FAIM2: variants seen among roughly 807,000 people sequenced by gnomAD.
FAIM2 encodes Fas apoptotic inhibitory molecule 2, also known as protein lifeguard 2.
A neutral mutation model predicts 47.4 loss-of-function variants in FAIM2; 27 were observed. The observed-to-expected ratio is 0.57, with a 90% CI of 0.42 to 0.78. The LOEUF (loss-of-function observed/expected upper bound fraction) is 0.78. FAIM2 is among the 30% of genes least tolerant of loss of function. FAIM2 has a pLI of 0.00. For missense variants in FAIM2, 311 were observed against 389.4 expected (o/e 0.80, Z 1.69); for synonymous variants, 156 against 159.3 (o/e 0.98, Z 0.16).
At position 49,903,828 on chromosome 12, in the gene FAIM2, G is replaced by A. The variant is rs898403755; in HGVS notation, c.-36C>T. The A allele has an allele frequency of 6.6e-7, 1 of 1,526,062 alleles. No individual in the cohort carries two copies. Among genetic ancestry groups the A allele is most frequent in the Non-Finnish European group, 8.8e-7 (1 of 1,135,074 alleles). The allele number at this position is 1,526,062 out of a possible 1,614,324, so 94.5% of individuals were successfully genotyped here. A position where few individuals can be genotyped will look rare whatever the true frequency, so the allele number is the denominator to read the frequency against. ...CTCGGGGAAGGGGTCCCTGAGGCCC[G>A]GGTGGCCGCTTGGGTAACCGCAGCC... On this transcript the variant is annotated 5_prime_UTR_variant, in exon 1 of 12. Transcript: ENST00000320634.
intron 11 of FAIM2, among the ~76,000 whole-genome samples, chr12:49,883,802 G>C (rs1946842265): frequency 6.6e-6 from 1 of 152,050 alleles, no homozygotes; most frequent in African/African-American, 2.4e-5. Context: ...TGGGGCAGGT[G>C]GGAGAGGGAA....
intron 11 of FAIM2, among the ~76,000 whole-genome samples, chr12:49,878,219 T>A (rs1454640169): frequency 7.4e-6 from 1 of 135,702 alleles, no homozygotes; most frequent in Non-Finnish European, 1.6e-5. Flanking sequence ...TGCTTGTGTG[T>A]ATATGTGCAT....
At chr12:49,897,372 T>C (rs937095131) in intron 4 of FAIM2, 147 bp downstream of exon 4, 63 of 788,524 alleles carry the variant, frequency 8.0e-5, no homozygotes, top group Non-Finnish European at 1.3e-4. Flanking sequence ...GTGCCCTCTC[T>C]AAGGTTCTTT....
chr12:49,891,173 A>T, intron 5 of FAIM2, 59 bp from the exon 6 acceptor site: 2 of 1,525,634 alleles, frequency 1.3e-6, no homozygotes, highest in Non-Finnish European at 1.8e-6. Context: ...CTCCCCCAAG[A>T]TCCCCTGCTT....
At chr12:49,897,379 C>T (rs1946945232) in intron 4 of FAIM2, 140 bp downstream of exon 4, 2 of 818,842 alleles carry the variant, frequency 2.4e-6, no homozygotes, top group Non-Finnish European at 4.0e-6. Flanking sequence ...CTCTAAGGTT[C>T]TTTCCCAGCA....
Position 49,870,285 on chromosome 12 carries a change from G to A in FAIM2, c.*219C>T, listed in dbSNP as rs1485623964. On this transcript the variant is annotated 3_prime_UTR_variant, in exon 12 of 12. Coordinates refer to ENST00000320634, the MANE Select transcript of FAIM2 (RefSeq NM_012306.4). ...TCCCAGTTTGGAAGATGTAACGGGC[G>A]AATGGGGCGGCACAGGGATTGACGT... 29 of 472,588 alleles carry A rather than the reference G, an allele frequency of 6.1e-5. No individual in the cohort carries two copies. The highest frequency in any genetic ancestry group is 9.8e-5 in the Non-Finnish European group (26 of 264,602). 29.3% of individuals were successfully genotyped at this position (472,588 alleles called of 1,614,324 possible). A position where few individuals can be genotyped will look rare whatever the true frequency, so the allele number is the denominator to read the frequency against.
intron 1 of FAIM2, chr12:49,902,771 A>C: frequency 6.7e-6 from 1 of 149,124 alleles, no homozygotes; most frequent in African/African-American, 2.5e-5. Context: ...CCACCCTGCC[A>C]CTCCGCCCCC....
chr12:49,871,990 A>G (rs1402828518), intron 11 of FAIM2, among the ~76,000 whole-genome samples: 1 of 152,086 alleles, frequency 6.6e-6, no homozygotes, highest in Non-Finnish European at 1.5e-5. Flanking sequence ...TTTTACATTG[A>G]TTCACATTCT....
intron 6 of FAIM2, 108 bp downstream of exon 6, chr12:49,890,956 G>A: frequency 9.0e-7 from 1 of 1,105,702 alleles, no homozygotes; most frequent in Non-Finnish European, 1.4e-6. Context: ...GAGAGGGATG[G>A]GGCCCTCTCA....
chr12:49,876,257 C>G (rs1946735731), intron 11 of FAIM2, among the ~76,000 whole-genome samples: 1 of 152,178 alleles, frequency 6.6e-6, no homozygotes, highest in African/African-American at 2.4e-5. Flanking sequence ...GCACAGCCAC[C>G]TATGAGGAAG....
chr12:49,900,167 C>T (rs74901040), intron 2 of FAIM2: 1 of 1,282,332 alleles, frequency 7.8e-7, no homozygotes, highest in Non-Finnish European at 1.0e-6. Flanking sequence ...TTCATTGACC[C>T]TCCAGTAGGT....
intron 4 of FAIM2, 110 bp downstream of exon 4, chr12:49,897,409 A>G: frequency 1.9e-6 from 2 of 1,033,674 alleles, no homozygotes; most frequent in Non-Finnish European, 3.0e-6. Context: ...CCACTGCCCC[A>G]CAGGCATCTC....
intron 11 of FAIM2, among the ~76,000 whole-genome samples, chr12:49,879,701 T>A (rs1173720983): frequency 4.2e-5 from 1 of 23,708 alleles, no homozygotes; most frequent in African/African-American, 2.6e-4. Flanking sequence ...TCTGTGTGCA[T>A]GTGTGTGTGT....
rs79816439 is a variant in FAIM2, at chr12:49,897,970, C to A, written c.315+17G>T. On this transcript the variant is annotated intron_variant, in intron 3 of 11. Transcript: ENST00000320634. ...CACTGAGGCTCCCAGTCCCAGAGGG[C>A]TACAGAGGGGCATTACCTTTCTGAC... 3,308 of 1,599,512 alleles carry A rather than the reference C, an allele frequency of 2.1e-3. 72 individuals are homozygous for A. In the Admixed American group the frequency reaches 0.035, roughly 17 times the overall value.
chr12:49,881,828 G>T (rs1389421207), intron 11 of FAIM2, among the ~76,000 whole-genome samples: 1 of 152,210 alleles, frequency 6.6e-6, no homozygotes, highest in Non-Finnish European at 1.5e-5. Context: ...GCTGACATGG[G>T]TGAGGCCTAG....
chr12:49,881,058 G>A (rs1024828535), intron 11 of FAIM2, among the ~76,000 whole-genome samples: 1 of 152,114 alleles, frequency 6.6e-6, no homozygotes, highest in South Asian at 2.1e-4. Flanking sequence ...CATAGTCAGT[G>A]GTCAACATCG....
At chr12:49,897,777 A>T (rs1362667696) in intron 3 of FAIM2, among the ~76,000 whole-genome samples, 194 bp from the exon 4 acceptor site, 1 of 151,230 alleles carries the variant, frequency 6.6e-6, no homozygotes, top group Non-Finnish European at 1.5e-5. Context: ...CCCCCCCAGC[A>T]TTGGGAGAAA....
At chr12:49,887,870 A>G (rs1327771308) in intron 10 of FAIM2, among the ~76,000 whole-genome samples, 1 of 152,066 alleles carries the variant, frequency 6.6e-6, no homozygotes, top group Non-Finnish European at 1.5e-5. Context: ...CAAGGAACTC[A>G]GGTAGAAGGG....
intron 2 of FAIM2, among the ~76,000 whole-genome samples, chr12:49,898,972 G>T (rs900377441): frequency 2.0e-5 from 3 of 152,124 alleles, no homozygotes; most frequent in Non-Finnish European, 2.9e-5. Flanking sequence ...GGCAAGAAGT[G>T]GGGGTGAGGA....
Sources: allele counts gnomAD v4.1 joint callset (sites outside exome capture counted in the v4.1 genomes callset), GRCh38; gene constraint gnomAD v4.1.1; transcripts MANE v1.5; gene names NCBI Gene and HGNC (gene_info 2026-07-23, HGNC 2026-07-21).